The following DNAJB14 variants were observed in gnomAD, a reference collection of about 807,000 sequenced individuals.
The protein encoded by DNAJB14 is DnaJ heat shock protein family (Hsp40) member B14.
DNAJB14 carries 22 observed loss-of-function variants against 48.4 expected under a neutral mutation model. That is an observed-to-expected ratio of 0.45 (90% CI 0.32 to 0.65). The LOEUF is 0.65. Among genes scored for constraint, DNAJB14 ranks in the 30% least tolerant of loss-of-function variants. The pLI, the probability that DNAJB14 is intolerant of heterozygous loss-of-function variation, is 0.03. For missense variants in DNAJB14, 319 were observed against 458.8 expected (o/e 0.70, Z 2.78); for synonymous variants, 142 against 158.7 (o/e 0.89, Z 0.79).
At chr4:99,910,886 C>T (rs976353151) in intron 3 of DNAJB14, among the ~76,000 whole-genome samples, 2 of 152,006 alleles carry the variant, frequency 1.3e-5, no homozygotes, top group African/African-American at 4.8e-5. Context: ...CTGTACCTTT[C>T]CCCTAATTTT....
At chr4:99,908,979 GA>G (rs1306350897) in intron 3 of DNAJB14, 83 bp from the exon 4 acceptor site, 5 of 998,236 alleles carry the variant, frequency 5.0e-6, no homozygotes, top group Non-Finnish European at 7.0e-6. Context: ...ACATCATGCT[GA>G]AAAAAAGACT....
chr4:99,924,621 AG>A, intron 2 of DNAJB14: 1 of 988,380 alleles, frequency 1.0e-6, no homozygotes, highest in South Asian at 1.8e-5. Context: ...ATGCCCAGAC[AG>A]TGTTCTAGGC....
chr4:99,912,215 T>C (rs1017258522), intron 3 of DNAJB14, among the ~76,000 whole-genome samples: 21 of 152,218 alleles, frequency 1.4e-4, no homozygotes, highest in Admixed American at 1.2e-3. Context: ...GGGTTTCCTA[T>C]CTCGTTCTAT....
chr4:99,917,028 G>A (rs1458800254), intron 3 of DNAJB14, among the ~76,000 whole-genome samples: 4 of 152,142 alleles, frequency 2.6e-5, no homozygotes, highest in Non-Finnish European at 4.4e-5. Flanking sequence ...CCAGCTACTC[G>A]GGAGGCTGAG....
rs1330060564 is a variant in DNAJB14 at position 99,946,579 on chromosome 4, T to C, written c.-8A>G. The C allele has an allele frequency of 6.2e-7, 1 of 1,612,660 alleles. No homozygotes were observed. Among genetic ancestry groups the C allele is most frequent in the Admixed American group, 1.7e-5 (1 of 59,970 alleles). ...ATCCCTGTTCCCCTCCATAGCTTGC[T>C]CCTTCTTCCGTTTCCTCCGGCAGCG... On this transcript the variant is annotated 5_prime_UTR_variant, in exon 1 of 8. Transcript: ENST00000442697.
At chr4:99,901,315 T>G (rs1227891375) in intron 7 of DNAJB14, among the ~76,000 whole-genome samples, 163 bp from the exon 8 acceptor site, 1 of 152,054 alleles carries the variant, frequency 6.6e-6, no homozygotes, top group East Asian at 1.9e-4. Context: ...GGAAAAAAAT[T>G]TTAATGAAAA....
chr4:99,941,583 T>C (rs143225176), intron 1 of DNAJB14, among the ~76,000 whole-genome samples: 1 of 152,162 alleles, frequency 6.6e-6, no homozygotes, highest in Non-Finnish European at 1.5e-5. Flanking sequence ...ATATACCAGA[T>C]AGATACTTCA....
intron 1 of DNAJB14, among the ~76,000 whole-genome samples, chr4:99,933,326 T>TG (rs1726550729): frequency 7.2e-6 from 1 of 138,270 alleles, no homozygotes; most frequent in South Asian, 2.4e-4. Context: ...TTTTTTTTTT[T>TG]GAGACTGAGC....
At chr4:99,906,671 T>G in intron 4 of DNAJB14, 60 bp from the exon 5 acceptor site, 1 of 1,368,242 alleles carries the variant, frequency 7.3e-7, no homozygotes, top group Non-Finnish European at 1.0e-6. Flanking sequence ...AAAAATACAT[T>G]TTCTTTCACA....
At chr4:99,940,105 T>C (rs1238340390) in intron 1 of DNAJB14, among the ~76,000 whole-genome samples, 1 of 152,216 alleles carries the variant, frequency 6.6e-6, no homozygotes, top group African/African-American at 2.4e-5. Context: ...ATATTTATGT[T>C]GATAATCCAA....
At chr4:99,920,629 T>A (rs926898162) in intron 3 of DNAJB14, among the ~76,000 whole-genome samples, 7 of 152,224 alleles carry the variant, frequency 4.6e-5, no homozygotes, top group Non-Finnish European at 1.0e-4. Flanking sequence ...CAAGTCACTT[T>A]ACATGTAAAT....
intron 1 of DNAJB14, among the ~76,000 whole-genome samples, chr4:99,934,675 C>T (rs1726601376): frequency 6.7e-6 from 1 of 150,296 alleles, no homozygotes; most frequent in South Asian, 2.1e-4. Context: ...TGCCTGTAAT[C>T]CCAGCTACCC....
At chr4:99,920,027 AAT>A (rs565697470) in intron 3 of DNAJB14, among the ~76,000 whole-genome samples, 148 of 152,190 alleles carry the variant, frequency 9.7e-4, no homozygotes, top group African/African-American at 3.4e-3. Context: ...TTGGTATTTA[AAT>A]ATAGTTGGTC....
At chr4:99,933,753 C>T (rs1309335420) in intron 1 of DNAJB14, among the ~76,000 whole-genome samples, 3 of 152,094 alleles carry the variant, frequency 2.0e-5, no homozygotes, top group Admixed American at 6.6e-5. Context: ...TAAATCTCTC[C>T]GAATTCCCTC....
At chr4:99,921,718 G>T (rs906272890) in intron 3 of DNAJB14, among the ~76,000 whole-genome samples, 5 of 152,062 alleles carry the variant, frequency 3.3e-5, no homozygotes, top group Non-Finnish European at 5.9e-5. Context: ...GCTATTTAAA[G>T]ATTTCAGTTA....
intron 3 of DNAJB14, among the ~76,000 whole-genome samples, chr4:99,914,738 C>G (rs2110201496): frequency 6.6e-6 from 1 of 152,228 alleles, no homozygotes; most frequent in Non-Finnish European, 1.5e-5. Flanking sequence ...TTCACGTTAT[C>G]TATGTCAGAC....
chr4:99,923,517 A>AT lies in DNAJB14; in HGVS notation c.306-333dup, dbSNP rs1167939495. Among the ~76,000 whole-genome samples, 3 of 152,142 alleles carry AT rather than the reference A, an allele frequency of 2.0e-5. No homozygotes were observed. The East Asian group carries it at 5.8e-4, about 29-fold the overall frequency. ...TAACTAAAATGAGACAATAATAATA[A>AT]TTTTTTAGTACTTGTAAGTGGATAA... On this transcript the variant is annotated intron_variant, in intron 2 of 7. Transcript: ENST00000442697.
intron 1 of DNAJB14, among the ~76,000 whole-genome samples, chr4:99,944,579 T>G (rs1191964420): frequency 1.3e-5 from 2 of 151,982 alleles, no homozygotes; most frequent in Middle Eastern, 3.4e-3. Context: ...GGTCTTTTTT[T>G]TTTTGTTTTT....
intron 2 of DNAJB14, chr4:99,923,718 T>C: frequency 1.0e-6 from 1 of 976,556 alleles, no homozygotes; most frequent in Non-Finnish European, 1.2e-6. Context: ...TTATTTTTGA[T>C]ATAGATGGGG....
Sources: allele counts gnomAD v4.1 joint callset (sites outside exome capture counted in the v4.1 genomes callset), GRCh38; gene constraint gnomAD v4.1.1; transcripts MANE v1.5; gene names NCBI Gene and HGNC (gene_info 2026-07-23, HGNC 2026-07-21).